The following SCARB2 variants were observed in gnomAD, a reference collection of about 807,000 sequenced individuals.
SCARB2 encodes the protein scavenger receptor class B member 2.
Under a neutral mutation model 58.6 loss-of-function variants are expected in SCARB2, and 29 were observed. The ratio of observed to expected loss-of-function variants is 0.49; its 90% CI spans 0.37 to 0.67. The LOEUF (loss-of-function observed/expected upper bound fraction) is 0.67, where lower values mean the gene tolerates loss of function less well. Ranked by LOEUF, SCARB2 falls within the 30% of genes least tolerant of loss-of-function variation. The pLI, the probability that SCARB2 is intolerant of heterozygous loss-of-function variation, is 0.00. For missense variants in SCARB2, 488 were observed against 578.5 expected (o/e 0.84, Z 1.60); for synonymous variants, 195 against 210.1 (o/e 0.93, Z 0.62).
At chr4:76,182,503 C>T (rs1052781775) in intron 2 of SCARB2, among the ~76,000 whole-genome samples, 3 of 152,108 alleles carry the variant, frequency 2.0e-5, no homozygotes, top group African/African-American at 7.2e-5. Flanking sequence ...TCTTAAATTA[C>T]ACATGTGGTT....
intron 2 of SCARB2, chr4:76,194,910 A>G (rs2109960184): frequency 6.6e-6 from 1 of 152,252 alleles, no homozygotes; most frequent in Middle Eastern, 3.4e-3. Flanking sequence ...CAAAGACTCT[A>G]ACAGCCTCTG....
At chr4:76,166,344 C>T (rs1732009305) in intron 9 of SCARB2, 43 bp from the exon 10 acceptor site, 3 of 1,553,580 alleles carry the variant, frequency 1.9e-6, no homozygotes, top group Non-Finnish European at 1.8e-6. Flanking sequence ...ACATCCTCAT[C>T]ACAATGGCAC....
At chr4:76,217,347 T>C (rs1241484081), upstream of SCARB2, among the ~76,000 whole-genome samples, 1 of 152,152 alleles carries the variant, frequency 6.6e-6, no homozygotes, top group Non-Finnish European at 1.5e-5. Flanking sequence ...GGATTTGTGT[T>C]CCCTCCAAAT....
At chr4:76,201,092 T>C (rs533341678) in intron 1 of SCARB2, among the ~76,000 whole-genome samples, 1 of 152,198 alleles carries the variant, frequency 6.6e-6, no homozygotes, top group Non-Finnish European at 1.5e-5. Flanking sequence ...GTAGGCACTT[T>C]ATGCACCAGT....
chr4:76,175,849 A>G lies in SCARB2; in HGVS notation c.766T>C (p.Phe256Leu), dbSNP rs1241257632. 3.7e-6 allele frequency: 6 copies of G among 1,613,908 alleles called. No individual in the cohort carries two copies. Among genetic ancestry groups the G allele is most frequent in the Non-Finnish European group, 5.1e-6 (6 of 1,179,992 alleles). ...TCATCTTTGGTTATTAGTGGGTGAA[A>G]AGAATCTCCATCTGTTCCATTAATC... ...NMINGTDGDS[F>L]HPLITKDEVL... Residue 256 changes from phenylalanine (F) to leucine (L), a missense_variant, in exon 6 of 12, where the codon TTT (phenylalanine) becomes CTT (leucine). Coordinates refer to ENST00000264896, the MANE Select transcript of SCARB2 (RefSeq NM_005506.4).
chr4:76,168,540 T>C, intron 8 of SCARB2, 64 bp from the exon 9 acceptor site: 3 of 1,339,984 alleles, frequency 2.2e-6, no homozygotes, highest in East Asian at 2.3e-5. Flanking sequence ...ACTTTTTCAA[T>C]AGAGCACCAT....
chr4:76,200,781 T>C (rs764217715), intron 1 of SCARB2, among the ~76,000 whole-genome samples: 33 of 152,276 alleles, frequency 2.2e-4, no homozygotes, highest in Middle Eastern at 3.4e-3. Flanking sequence ...GGACTCATGA[T>C]TTTCTCCCCT....
intron 1 of SCARB2, among the ~76,000 whole-genome samples, chr4:76,210,634 C>G (rs1288876430): frequency 1.3e-5 from 2 of 152,228 alleles, no homozygotes; most frequent in Non-Finnish European, 2.9e-5. Flanking sequence ...TATTATGCCT[C>G]TCTTGCAAAT....
chr4:76,217,740 G>C, upstream of SCARB2: 1 of 511,658 alleles, frequency 2.0e-6, no homozygotes, highest in South Asian at 3.1e-5. Context: ...GGAGACTGAT[G>C]CTGTGGCAAG....
intron 4 of SCARB2, among the ~76,000 whole-genome samples, chr4:76,177,303 A>G (rs986554395): frequency 6.6e-6 from 1 of 151,954 alleles, no homozygotes; most frequent in African/African-American, 2.4e-5. Flanking sequence ...TCAAAACCAC[A>G]ATGAGATACC....
At position 76,176,439 on chromosome 4, in the gene SCARB2, T is replaced by A; in HGVS notation, c.702A>T (p.Lys234Asn). 6.2e-7 allele frequency: 1 copy of A among 1,603,362 alleles called. No individual in the cohort carries two copies. Among genetic ancestry groups the A allele is most frequent in the Non-Finnish European group, 8.5e-7 (1 of 1,170,878 alleles). The change falls in exon 5 of 12, where the codon AAA becomes AAT. Residue 234 changes from lysine to asparagine, a missense_variant and splice_region_variant. Coordinates refer to ENST00000264896, the MANE Select transcript of SCARB2 (RefSeq NM_005506.4). ...NFTKIVEWNG[K>N]TSLDWWITDK... ...CACTGATAAATCATTTGACTTACGT[T>A]TTCCCATTCCATTCCACAATTTTTG...
In SCARB2 at chr4:76,161,767, G is replaced by A. The variant is rs777255296; in HGVS notation, c.1399-16C>T. 3.1e-6 allele frequency: 5 copies of A among 1,614,030 alleles called. No individual in the cohort carries two copies. Among genetic ancestry groups the A allele is most frequent in the Non-Finnish European group, 3.4e-6 (4 of 1,179,916 alleles). On this transcript the variant is annotated splice_polypyrimidine_tract_variant and intron_variant, in intron 11 of 11. Coordinates refer to ENST00000264896, the MANE Select transcript of SCARB2 (RefSeq NM_005506.4). ...CCGCTGTTCCCTGAAACACAGAAGA[G>A]AGAAAACAAGTTAGATGTTCATGTC... is the stretch of plus-strand genomic sequence containing the variant.
At chr4:76,209,508 A>G (rs1251551460) in intron 1 of SCARB2, among the ~76,000 whole-genome samples, 1 of 152,178 alleles carries the variant, frequency 6.6e-6, no homozygotes, top group Non-Finnish European at 1.5e-5. Flanking sequence ...AGCTGGGACT[A>G]CAGGCACCTG....
chr4:76,171,790 AC>A (rs1732133797), intron 7 of SCARB2, among the ~76,000 whole-genome samples: 1 of 151,960 alleles, frequency 6.6e-6, no homozygotes, highest in South Asian at 2.1e-4. Flanking sequence ...GTTCCCATTC[AC>A]CCTTGGTCTT....
intron 1 of SCARB2, chr4:76,213,076 C>A: frequency 2.9e-6 from 1 of 341,506 alleles, no homozygotes. Context: ...GTCTTTCATT[C>A]AGTTCTGTTT....
chr4:76,168,901 G>C (rs192182320), intron 8 of SCARB2, among the ~76,000 whole-genome samples: 1 of 152,374 alleles, frequency 6.6e-6, no homozygotes, highest in Admixed American at 6.5e-5. Flanking sequence ...GTCACTGCCA[G>C]AGAGTGGCAT....
At chr4:76,217,993 T>C (rs1468901110), upstream of SCARB2, among the ~76,000 whole-genome samples, 1 of 152,238 alleles carries the variant, frequency 6.6e-6, no homozygotes, top group Non-Finnish European at 1.5e-5. Context: ...CATTGTATAC[T>C]TTTATGTTCA....
upstream of SCARB2, chr4:76,214,238 A>G (rs1299595139): frequency 3.1e-5 from 14 of 454,766 alleles, no homozygotes; most frequent in East Asian, 2.1e-4. Flanking sequence ...TTACAACACA[A>G]TGTAGCAAGT....
intron 1 of SCARB2, among the ~76,000 whole-genome samples, chr4:76,234,030 C>T (rs1341087647): frequency 1.3e-5 from 2 of 152,198 alleles, no homozygotes; most frequent in Non-Finnish European, 2.9e-5. Flanking sequence ...TTAATTGCTG[C>T]GGGTCAGAGA....
Sources: allele counts gnomAD v4.1 joint callset (sites outside exome capture counted in the v4.1 genomes callset), GRCh38; gene constraint gnomAD v4.1.1; transcripts MANE v1.5; gene names NCBI Gene and HGNC (gene_info 2026-07-23, HGNC 2026-07-21).